C1GALT1: variants seen among roughly 807,000 people sequenced by gnomAD.
C1GALT1 encodes core 1 synthase, glycoprotein-N-acetylgalactosamine 3-beta-galactosyltransferase 1.
C1GALT1 carries 11 observed loss-of-function variants against 31.0 expected under a neutral mutation model. The observed-to-expected ratio is 0.36, with a 90% CI of 0.22 to 0.59. The LOEUF is 0.59. C1GALT1 is among the 20% of genes least tolerant of loss of function. The pLI, the probability that C1GALT1 is intolerant of heterozygous loss-of-function variation, is 0.79. For synonymous variants in C1GALT1, 175 were observed against 143.6 expected, an observed-to-expected ratio of 1.22 and a Z score of -1.56; for missense variants, 424 against 425.2, an observed-to-expected ratio of 1.00 and a Z score of 0.03.
chr7:7,190,055 C>T (rs1780992591), intron 1 of C1GALT1, among the ~76,000 whole-genome samples: 1 of 151,994 alleles, frequency 6.6e-6, no homozygotes. Context: ...TGGTAGAGAC[C>T]ACCAGGGACA....
intron 1 of C1GALT1, among the ~76,000 whole-genome samples, chr7:7,187,529 G>T (rs746791464): frequency 6.6e-6 from 1 of 152,052 alleles, no homozygotes; most frequent in Non-Finnish European, 1.5e-5. Context: ...ATTTAGCAAT[G>T]TCTACAGACA....
At chr7:7,183,460 G>A in intron 1 of C1GALT1, 1 of 309,098 alleles carries the variant, frequency 3.2e-6, no homozygotes, top group Non-Finnish European at 4.7e-6. Flanking sequence ...ATACGTGTGT[G>A]TTGGGGCATT....
chr7:7,169,418 T>C lies in C1GALT1; in HGVS notation c.-18+11992T>C, dbSNP rs117386709. 3.1e-4 allele frequency among the ~76,000 whole-genome samples: 47 copies of C among 152,320 alleles called. No homozygotes were observed. The East Asian group carries it at 8.1e-3, about 26-fold the overall frequency. On this transcript the variant is annotated intron_variant, in intron 2 of 3. Transcript: ENST00000429911. ...GTATGGTCATTCTATGGTTAGCCTTTTGAAAAACTGCCATGCTGGTTTCCA... is the reference window on the plus strand; with the variant it reads ...GTATGGTCATTCTATGGTTAGCCTTCTGAAAAACTGCCATGCTGGTTTCCA...
intron 1 of C1GALT1, among the ~76,000 whole-genome samples, chr7:7,226,930 A>G (rs1433383093): frequency 1.3e-5 from 2 of 152,192 alleles, no homozygotes; most frequent in Non-Finnish European, 2.9e-5. Flanking sequence ...GTGTGTATGT[A>G]TATGTGTATA....
At position 7,238,721 on chromosome 7, in the gene C1GALT1, A is replaced by G; in HGVS notation, c.687A>G (p.Thr229=). 6.2e-7 allele frequency: 1 copy of G among 1,614,054 alleles called. No homozygotes were observed. Among genetic ancestry groups the G allele is most frequent in the African/African-American group, 1.3e-5 (1 of 75,058 alleles). The change falls in exon 3 of 4, where the codon ACA becomes ACG. Residue 229 remains threonine (T), a synonymous_variant. Transcript: ENST00000436587. This position sits in a 1 kb window ranked among gnomAD's most constrained non-coding sequence, Gnocchi z 5.2. The part of the protein sequence containing the change: ...ALKRFVDAFK[T]DKCTHSSSIE... ...AAAGATTTGTTGATGCATTTAAAAC[A>G]GACAAGTGTACACATAGTTCCTCCA...
upstream of C1GALT1, among the ~76,000 whole-genome samples, chr7:7,182,366 G>A (rs537997544): frequency 6.6e-5 from 10 of 152,300 alleles, no homozygotes; most frequent in South Asian, 1.4e-3. Context: ...AAGCCGCAAG[G>A]GGGATACAAC....
chr7:7,227,491 C>T (rs1263719050), intron 1 of C1GALT1, among the ~76,000 whole-genome samples: 8 of 152,042 alleles, frequency 5.3e-5, no homozygotes, highest in Admixed American at 3.9e-4. Context: ...GAGGCCGAGG[C>T]GGGCGGATCA....
chr7:7,174,317 C>G (rs551874367), intron 2 of C1GALT1, among the ~76,000 whole-genome samples: 1 of 152,334 alleles, frequency 6.6e-6, no homozygotes, highest in African/African-American at 2.4e-5. Context: ...ATTAATAAAG[C>G]TGCTGTAAAC....
At chr7:7,234,594 G>A in intron 2 of C1GALT1, 55 bp downstream of exon 2, 1 of 1,323,290 alleles carries the variant, frequency 7.6e-7, no homozygotes, top group South Asian at 1.3e-5. Flanking sequence ...TCTAAATTTT[G>A]TCATATTCCT....
intron 2 of C1GALT1, among the ~76,000 whole-genome samples, chr7:7,161,650 C>T (rs1359249111): frequency 6.6e-6 from 1 of 151,918 alleles, no homozygotes; most frequent in Non-Finnish European, 1.5e-5. Flanking sequence ...AGTTGAGGAC[C>T]ATGAGGCTCA....
chr7:7,161,757 T>TA (rs566786284), intron 2 of C1GALT1, among the ~76,000 whole-genome samples: 2 of 152,076 alleles, frequency 1.3e-5, no homozygotes, highest in Non-Finnish European at 2.9e-5. Flanking sequence ...ACAATGGTAT[T>TA]AAAAAAATTA....
intron 1 of C1GALT1, among the ~76,000 whole-genome samples, chr7:7,199,671 G>A (rs1007879548): frequency 1.3e-5 from 2 of 152,210 alleles, no homozygotes; most frequent in African/African-American, 4.8e-5. Context: ...TTGTGTGGGA[G>A]TCGAAGTCTC....
chr7:7,185,520 C>T (rs777121840), intron 1 of C1GALT1, among the ~76,000 whole-genome samples: 5 of 152,158 alleles, frequency 3.3e-5, no homozygotes, highest in Non-Finnish European at 7.3e-5. Flanking sequence ...GAATCTGTTC[C>T]ATGCCTCTTA....
chr7:7,238,286 T>A lies in C1GALT1; in HGVS notation c.252T>A (p.Tyr84Ter). The A allele has an allele frequency of 6.2e-7, 1 of 1,607,976 alleles. No homozygotes were observed. Among genetic ancestry groups the A allele is most frequent in the Non-Finnish European group, 8.5e-7 (1 of 1,178,382 alleles). Reference protein sequence around the residue: ...DENTDIAENLYQKVRILCWVM... With the variant: ...DENTDIAENL ...ACACAGACATTGCTGAAAACCTCTA[T>A]CAGAAAGTTAGAATTCTTTGCTGGG... Residue 84 changes from tyrosine (Y) to a stop codon, truncating the protein, a stop_gained, in exon 3 of 4, where the codon TAT (tyrosine) becomes TAA (stop). Coordinates refer to ENST00000436587, the MANE Select transcript of C1GALT1 (RefSeq NM_020156.5). LOFTEE classifies it high-confidence loss of function. This position sits in a 1 kb window ranked among gnomAD's most constrained non-coding sequence, Gnocchi z 5.2.
intron 1 of C1GALT1, among the ~76,000 whole-genome samples, chr7:7,184,132 T>C (rs1314964430): frequency 6.6e-6 from 1 of 152,232 alleles, no homozygotes; most frequent in Admixed American, 6.5e-5. Flanking sequence ...ATATTGTATA[T>C]AGTACACTAT....
At chr7:7,242,522 C>T (rs1203058078) in intron 3 of C1GALT1, among the ~76,000 whole-genome samples, 1 of 151,984 alleles carries the variant, frequency 6.6e-6, no homozygotes, top group African/African-American at 2.4e-5. Flanking sequence ...CAATATGAAT[C>T]TTCTCTTGGA....
intron 1 of C1GALT1, among the ~76,000 whole-genome samples, chr7:7,231,670 TTATTTG>T (rs1484273311): frequency 1.3e-5 from 2 of 152,188 alleles, no homozygotes; most frequent in Non-Finnish European, 2.9e-5. Context: ...TATGAAAATC[TTATTTG>T]AGTCTTTTGG....
rs188875110 is a variant in C1GALT1 at position 7,192,024 on chromosome 7, C to G, written c.-18+9204C>G. Among the ~76,000 whole-genome samples the G allele has an allele frequency of 1.6e-3, 237 of 152,194 alleles. 2 individuals are homozygous for G. The highest frequency in any genetic ancestry group is 0.01 in the Middle Eastern group (3 of 294). ...TTCAGTGACTCTGCCTTTGTTGTCA[C>G]ATCCAAGAAATCATTGCCAAATATA... On this transcript the variant is annotated intron_variant, in intron 1 of 3. Transcript: ENST00000436587.
chr7:7,231,130 A>G (rs551497168), intron 1 of C1GALT1, among the ~76,000 whole-genome samples: 1 of 152,328 alleles, frequency 6.6e-6, no homozygotes, highest in South Asian at 2.1e-4. Flanking sequence ...TGCTGGATAC[A>G]GAATGCTAGG....
Sources: gnomAD v4.1 joint callset for allele counts (sites outside exome capture counted in the v4.1 genomes callset) on GRCh38, gnomAD v4.1.1 for gene constraint, Gnocchi (gnomAD v3.1) non-coding constraint, MANE v1.5 for transcripts, NCBI Gene and HGNC (gene_info 2026-07-23, HGNC 2026-07-21) for gene names.